The following AGL variants were observed in gnomAD, a reference collection of about 807,000 sequenced individuals.
AGL encodes the protein amylo-alpha-1,6-glucosidase and 4-alpha-glucanotransferase.
Under a neutral mutation model 199.3 loss-of-function variants are expected in AGL, and 128 were observed. That is an observed-to-expected ratio of 0.64 (90% confidence interval 0.56 to 0.74). The LOEUF (loss-of-function observed/expected upper bound fraction) is 0.74, where lower values mean the gene tolerates loss of function less well. Among genes scored for constraint, AGL ranks in the 30% least tolerant of loss-of-function variants. AGL has a pLI of 0.00. For synonymous variants in AGL, 584 were observed against 594.7 expected (o/e 0.98, Z 0.26); for missense variants, 1,809 against 1,820.8 (o/e 0.99, Z 0.12).
chr1:99,910,072 A>G (rs772702481), intron 27 of AGL, among the ~76,000 whole-genome samples: 12 of 152,132 alleles, frequency 7.9e-5, no homozygotes, highest in African/African-American at 1.2e-4. Flanking sequence ...GTTTTATTCA[A>G]TCATTTTGTT....
chr1:99,886,519 A>G (rs1437755158), intron 20 of AGL, among the ~76,000 whole-genome samples: 1 of 152,146 alleles, frequency 6.6e-6, no homozygotes, highest in Non-Finnish European at 1.5e-5. Flanking sequence ...AGAATTTATA[A>G]TAGACATAAT....
At chr1:99,914,760 C>T (rs947675601) in intron 30 of AGL, among the ~76,000 whole-genome samples, 1 of 152,068 alleles carries the variant, frequency 6.6e-6, no homozygotes, top group Non-Finnish European at 1.5e-5. Flanking sequence ...TATGAATCTG[C>T]TGAAGAATGA....
intron 2 of AGL, among the ~76,000 whole-genome samples, chr1:99,856,918 C>T (rs1296764959): frequency 1.3e-5 from 2 of 152,236 alleles, no homozygotes; most frequent in African/African-American, 4.8e-5. Context: ...ACAAAACCGC[C>T]GTCGTCATCA....
At chr1:99,878,216 G>A (rs1651711864) in intron 12 of AGL, among the ~76,000 whole-genome samples, 1 of 151,990 alleles carries the variant, frequency 6.6e-6, no homozygotes, top group Admixed American at 6.6e-5. Flanking sequence ...ATAGTGGTGT[G>A]TGCCTATAGT....
intron 2 of AGL, among the ~76,000 whole-genome samples, chr1:99,855,400 T>C (rs1649337496): frequency 6.6e-6 from 1 of 152,170 alleles, no homozygotes; most frequent in East Asian, 1.9e-4. Flanking sequence ...AAGACTGATA[T>C]TTCTATAGAT....
rs1366655688 is a variant in AGL at position 99,892,722 on chromosome 1, AC to A, written c.3259+117del. 5 of 987,378 alleles carry A rather than the reference AC, an allele frequency of 5.1e-6. No homozygotes were observed. In the Admixed American group the frequency reaches 8.3e-5, roughly 16 times the overall value. The allele number at this position is 987,378 out of a possible 1,614,324, so 61.2% of individuals were successfully genotyped here. On this transcript the variant is annotated intron_variant, in intron 24 of 33. Coordinates refer to ENST00000361915, the MANE Select transcript of AGL (RefSeq NM_000642.3). ...GTAATGCTACTCAAGATTTTATTTT[AC>A]CACTTAGTACATTTCATAGATATTC...
chr1:99,862,097 C>T (rs1650086385), intron 3 of AGL, among the ~76,000 whole-genome samples, 160 bp from the exon 4 acceptor site: 1 of 152,090 alleles, frequency 6.6e-6, no homozygotes, highest in South Asian at 2.1e-4. Flanking sequence ...AGTAGCTTTT[C>T]CATTAAGTTT....
rs777981550 is a variant in AGL, at chr1:99,862,374, G to A, written c.411G>A (p.Leu137=). ...VTLQTFLAKC[L]GPFDEWESRL... is the part of the protein sequence containing the mutation. ...TTCAGACATTTTTAGCTAAGTGTTT[G>A]GGACCTTTTGATGAATGGGAAAGCA... The change falls in exon 4 of 34, where the codon TTG becomes TTA. Residue 137 remains leucine, a synonymous_variant. Transcript: ENST00000361915. 2 of 1,614,040 alleles carry A rather than the reference G, an allele frequency of 1.2e-6. No individual in the cohort carries two copies. The highest frequency in any genetic ancestry group is 1.7e-6 in the Non-Finnish European group (2 of 1,179,996).
intron 17 of AGL, among the ~76,000 whole-genome samples, chr1:99,883,797 C>T (rs1037366529): frequency 6.6e-5 from 10 of 151,676 alleles, no homozygotes; most frequent in African/African-American, 2.4e-4. Flanking sequence ...TTTTTGTATC[C>T]GAAATATTCC....
At chr1:99,879,900 A>G (rs758220923) in intron 12 of AGL, 23 bp from the exon 13 acceptor site, 15 of 1,582,280 alleles carry the variant, frequency 9.5e-6, no homozygotes, top group Middle Eastern at 1.7e-4. Context: ...TATTTGTTAC[A>G]TTTGTCACTG....
chr1:99,893,240 G>A (rs903494252), intron 24 of AGL, among the ~76,000 whole-genome samples: 2 of 152,262 alleles, frequency 1.3e-5, no homozygotes, highest in Admixed American at 6.5e-5. Flanking sequence ...AAAATATCAA[G>A]TTACAGGAAG....
intron 23 of AGL, 61 bp downstream of exon 23, chr1:99,891,800 C>T (rs1652920918): frequency 1.9e-6 from 3 of 1,592,788 alleles, no homozygotes; most frequent in Non-Finnish European, 2.6e-6. Flanking sequence ...TACAGAGTCA[C>T]TTCATACATG....
chr1:99,904,789 A>G (rs1237661806), intron 27 of AGL, among the ~76,000 whole-genome samples: 1 of 151,616 alleles, frequency 6.6e-6, no homozygotes, highest in Non-Finnish European at 1.5e-5. Context: ...GCATTTATCA[A>G]TAGTTTATTC....
rs112795811 is a variant in AGL at position 99,913,604 on chromosome 1, G to A, written c.4027G>A (p.Glu1343Lys). 2.5e-4 allele frequency: 408 copies of A among 1,614,018 alleles called. 2 individuals are homozygous for A. In the East Asian group the frequency reaches 5.8e-3, roughly 23 times the overall value. Residue 1343 changes from glutamate to lysine, a missense_variant, in exon 30 of 34, where the codon GAA becomes AAA. By Grantham distance (56) the Glu-to-Lys change is moderately conservative. Transcript: ENST00000361915. ...CTTTGAAAAGCTATTTCATGTTTCC[G>A]AAGACCCTTCAGATTTAAATGAAAA... is the stretch of plus-strand genomic sequence containing the variant. ...DNFEKLFHVSEDPSDLNEKHP... is the reference protein window; with the variant it reads ...DNFEKLFHVSKDPSDLNEKHP...
chr1:99,871,896 TACA>T (rs1470579828), intron 7 of AGL, among the ~76,000 whole-genome samples: 1 of 151,980 alleles, frequency 6.6e-6, no homozygotes, highest in Non-Finnish European at 1.5e-5. Flanking sequence ...TCTCAGCTAC[TACA>T]TATTGTTTCT....
chr1:99,917,869 T>C (rs540417157), intron 33 of AGL, among the ~76,000 whole-genome samples: 1 of 152,312 alleles, frequency 6.6e-6, no homozygotes, highest in East Asian at 1.9e-4. Flanking sequence ...CTTTTACCTG[T>C]TATTACCCCC....
At position 99,870,429 on chromosome 1, in the gene AGL, C is replaced by G; in HGVS notation, c.694C>G (p.Pro232Ala). The G allele has an allele frequency of 6.2e-7, 1 of 1,614,004 alleles. No homozygotes were observed. Among genetic ancestry groups the G allele is most frequent in the Non-Finnish European group, 8.5e-7 (1 of 1,179,944 alleles). ...AANSKWIQEH[P>A]ECAYNLVNSP... The stretch of plus-strand genomic sequence containing the variant: ...TAATAGTAAATGGATCCAGGAACAT[C>G]CAGAATGTGCCTATAATCTTGTGAA... The change falls in exon 6 of 34, where the codon CCA becomes GCA. Residue 232 changes from proline to alanine, a missense_variant. By Grantham distance (27) the Pro-to-Ala change is conservative. Transcript: ENST00000361915.
intron 9 of AGL, 33 bp downstream of exon 9, chr1:99,875,289 T>C (rs751865163): frequency 1.9e-6 from 3 of 1,611,732 alleles, no homozygotes; most frequent in East Asian, 4.5e-5. Flanking sequence ...TGCTTTTCCT[T>C]GCATCTTACT....
In AGL at chr1:99,913,383, T is replaced by C. The variant is rs1654890658; in HGVS notation, c.3950-144T>C. The stretch of plus-strand genomic sequence containing the variant: ...ATTTTACATTTATAACACATCTCAA[T>C]TCAGACTGGCCACATTTTCCAAAAG... On this transcript the variant is annotated intron_variant, in intron 29 of 33. Coordinates refer to ENST00000361915, the MANE Select transcript of AGL (RefSeq NM_000642.3). 7 of 708,090 alleles carry C rather than the reference T, an allele frequency of 9.9e-6. No individual in the cohort carries two copies. In the Admixed American group the frequency reaches 1.5e-4, roughly 15 times the overall value. The allele number at this position is 708,090 out of a possible 1,614,324, so 43.9% of individuals were successfully genotyped here. A position where few individuals can be genotyped will look rare whatever the true frequency, so the allele number is the denominator to read the frequency against.
Sources: gnomAD v4.1 joint callset for allele counts (sites outside exome capture counted in the v4.1 genomes callset) on GRCh38, gnomAD v4.1.1 for gene constraint, MANE v1.5 for transcripts, NCBI Gene and HGNC (gene_info 2026-07-23, HGNC 2026-07-21) for gene names.